Variants in BLNK observed in about 807,000 individuals in gnomAD.
BLNK encodes the protein B cell linker.
Under a neutral mutation model 73.5 loss-of-function variants are expected in BLNK, and 29 were observed. That is an observed-to-expected ratio of 0.39 (90% confidence interval 0.29 to 0.54). The LOEUF (loss-of-function observed/expected upper bound fraction) is 0.54. BLNK is among the 20% of genes least tolerant of loss of function. The probability of loss-of-function intolerance (pLI) is 0.61; values close to 1 mark genes in which losing one functional copy is unlikely to be tolerated. For missense variants in BLNK, 460 were observed against 562.8 expected (o/e 0.82, Z 1.85); for synonymous variants, 176 against 200.8 (o/e 0.88, Z 1.04).
At chr10:96,248,523 T>C (rs1554908257) in intron 1 of BLNK, among the ~76,000 whole-genome samples, 1 of 152,236 alleles carries the variant, frequency 6.6e-6, no homozygotes, top group Non-Finnish European at 1.5e-5. Flanking sequence ...ATTGTTACAA[T>C]CAAATCTGTC....
rs2083301536 is a variant in BLNK at position 96,189,865 on chromosome 10, C to T, written c.*2108G>A. On this transcript the variant is annotated 3_prime_UTR_variant, in exon 17 of 17. Transcript: ENST00000224337. ...CATCTTCTGACTCTGCATCTTCCTC[C>T]ACAGCTACTAAATGCTGTCCACTAA... The T allele has an allele frequency of 3.3e-6, 4 of 1,206,894 alleles. No homozygotes were observed. Among genetic ancestry groups the T allele is most frequent in the Non-Finnish European group, 4.9e-6 (4 of 823,086 alleles). 74.8% of individuals were successfully genotyped at this position (1,206,894 alleles called of 1,614,324 possible).
chr10:96,192,142 T>C (rs781836046), intron 16 of BLNK, 50 bp from the exon 17 acceptor site: 1 of 1,608,826 alleles, frequency 6.2e-7, no homozygotes, highest in Admixed American at 1.7e-5. Flanking sequence ...TGTGTTAAAT[T>C]TGAGCTCCAC....
intron 6 of BLNK, among the ~76,000 whole-genome samples, chr10:96,223,264 G>T (rs587655336): frequency 6.6e-6 from 1 of 152,304 alleles, no homozygotes; most frequent in South Asian, 2.1e-4. Context: ...GGAAGAATCA[G>T]GGGAGAAGGG....
chr10:96,205,909 T>A (rs1310433214), intron 11 of BLNK, among the ~76,000 whole-genome samples: 2 of 152,162 alleles, frequency 1.3e-5, no homozygotes, highest in African/African-American at 4.8e-5. Flanking sequence ...TTCCTACAGA[T>A]GCTCAGAGCT....
At chr10:96,215,749 C>G in intron 7 of BLNK, 1 of 205,082 alleles carries the variant, frequency 4.9e-6, no homozygotes, top group South Asian at 9.4e-5. Context: ...GTGTATTGAA[C>G]CCCTTACTGG....
chr10:96,216,531 C>A, intron 7 of BLNK, 122 bp downstream of exon 7: 1 of 834,914 alleles, frequency 1.2e-6, no homozygotes, highest in Non-Finnish European at 2.0e-6. Flanking sequence ...CACACTGTGG[C>A]CCAGGGGAGA....
chr10:96,244,292 G>C (rs182229102), intron 2 of BLNK, among the ~76,000 whole-genome samples: 6 of 152,068 alleles, frequency 3.9e-5, no homozygotes, highest in Non-Finnish European at 7.4e-5. Flanking sequence ...TTGGTTCAAG[G>C]AATAGTAAAA....
chr10:96,238,454 A>G (rs1328631651), intron 3 of BLNK, among the ~76,000 whole-genome samples: 1 of 152,184 alleles, frequency 6.6e-6, no homozygotes, highest in Admixed American at 6.5e-5. Context: ...AGTGCTCCAC[A>G]GGGCACGTGA....
chr10:96,226,180 C>T (rs1237351089), intron 5 of BLNK, among the ~76,000 whole-genome samples: 6 of 152,128 alleles, frequency 3.9e-5, no homozygotes, highest in African/African-American at 1.2e-4. Flanking sequence ...TCAGGATTAT[C>T]GAGGAGGTTA....
intron 1 of BLNK, among the ~76,000 whole-genome samples, chr10:96,249,365 T>G (rs887498298): frequency 6.6e-6 from 1 of 152,164 alleles, no homozygotes; most frequent in Non-Finnish European, 1.5e-5. Context: ...GTGGAGCAGT[T>G]TAGAGGGTAA....
rs1229986622 is a variant in BLNK at position 96,190,312 on chromosome 10, A to G, written c.*1661T>C. ...CAGCCATACAGGATGGAATCACGCC[A>G]GTAGTATTGTTCCTGTGTGTCTCTT... On this transcript the variant is annotated 3_prime_UTR_variant, in exon 17 of 17. Coordinates refer to ENST00000224337, the MANE Select transcript of BLNK (RefSeq NM_013314.4). 3 of 610,090 alleles carry G rather than the reference A, an allele frequency of 4.9e-6. No individual in the cohort carries two copies. The African/African-American group carries it at 5.4e-5, about 11-fold the overall frequency. The allele number at this position is 610,090 out of a possible 1,614,324, so 37.8% of individuals were successfully genotyped here. A position where few individuals can be genotyped will look rare whatever the true frequency, so the allele number is the denominator to read the frequency against.
intron 9 of BLNK, among the ~76,000 whole-genome samples, chr10:96,209,371 GATTTATTTATTT>G (rs3031836): frequency 4.0e-5 from 6 of 150,948 alleles, no homozygotes; most frequent in Middle Eastern, 3.4e-3. Context: ...AATACTTCTA[GATTTATTTATTT>G]ATTTATTTAT....
intron 2 of BLNK, among the ~76,000 whole-genome samples, chr10:96,245,033 G>A (rs1554907315): frequency 1.3e-5 from 2 of 152,038 alleles, no homozygotes; most frequent in East Asian, 1.9e-4. Context: ...GATTCTATCT[G>A]TAGCAGAAAT....
chr10:96,245,396 G>A (rs1023231809), intron 2 of BLNK, among the ~76,000 whole-genome samples: 3 of 152,004 alleles, frequency 2.0e-5, no homozygotes, highest in African/African-American at 7.3e-5. Context: ...TTCATTTTAG[G>A]AATTTAGCCT....
At chr10:96,243,680 T>C (rs587652020) in intron 2 of BLNK, among the ~76,000 whole-genome samples, 9 of 152,334 alleles carry the variant, frequency 5.9e-5, no homozygotes, top group African/African-American at 9.6e-5. Context: ...CTTTAGTACC[T>C]TTATGCACAT....
At chr10:96,226,929 G>A (rs1439453728) in intron 5 of BLNK, among the ~76,000 whole-genome samples, 2 of 152,124 alleles carry the variant, frequency 1.3e-5, no homozygotes, top group Non-Finnish European at 2.9e-5. Context: ...CTGAGCACCT[G>A]TATCCCCTGG....
chr10:96,207,226 A>T (rs2083837910), intron 10 of BLNK, among the ~76,000 whole-genome samples, 173 bp from the exon 11 acceptor site: 2 of 152,244 alleles, frequency 1.3e-5, no homozygotes, highest in Admixed American at 6.5e-5. Flanking sequence ...CCTTTGCATT[A>T]AGCAACAAAC....
chr10:96,260,749 G>A (rs1211908632), intron 1 of BLNK, among the ~76,000 whole-genome samples: 1 of 152,142 alleles, frequency 6.6e-6, no homozygotes, highest in Non-Finnish European at 1.5e-5. Context: ...GGAATGTCTT[G>A]TATGTAGGGG....
At chr10:96,218,263 TAC>T (rs1554900278) in intron 6 of BLNK, among the ~76,000 whole-genome samples, 1 of 152,222 alleles carries the variant, frequency 6.6e-6, no homozygotes, top group Non-Finnish European at 1.5e-5. Flanking sequence ...TTCTTCTAAG[TAC>T]TTTACATGTT....
Sources: gnomAD v4.1 joint callset for allele counts (sites outside exome capture counted in the v4.1 genomes callset) on GRCh38, gnomAD v4.1.1 for gene constraint, MANE v1.5 for transcripts, NCBI Gene and HGNC (gene_info 2026-07-23, HGNC 2026-07-21) for gene names.